Variants in ST7L observed in about 807,000 individuals in gnomAD.
ST7L encodes the protein suppression of tumorigenicity 7 like.
ST7L carries 57 observed loss-of-function variants against 72.5 expected under a neutral mutation model. That is an observed-to-expected ratio of 0.79 (90% CI 0.64 to 0.98). ST7L has a LOEUF of 0.98. ST7L is among the 50% of genes least tolerant of loss of function. ST7L has a pLI of 0.00. For synonymous variants in ST7L, 221 were observed against 240.9 expected (o/e 0.92, Z 0.77); for missense variants, 576 against 672.2 (o/e 0.86, Z 1.58).
At chr1:112,546,150 C>G (rs1657009569) in intron 13 of ST7L, among the ~76,000 whole-genome samples, 1 of 151,832 alleles carries the variant, frequency 6.6e-6, no homozygotes, top group Non-Finnish European at 1.5e-5. Flanking sequence ...GAAACCTCAC[C>G]TCTACCAAAA....
At chr1:112,559,193 T>C (rs1474338262) in intron 11 of ST7L, among the ~76,000 whole-genome samples, 1 of 152,222 alleles carries the variant, frequency 6.6e-6, no homozygotes, top group Non-Finnish European at 1.5e-5. Flanking sequence ...TTAACAATTA[T>C]TAAGTAAAGC....
downstream of ST7L, chr1:112,523,262 A>G (rs1172323527): frequency 3.3e-5 from 5 of 152,236 alleles, no homozygotes; most frequent in Admixed American, 6.5e-5. Flanking sequence ...ATTCTAGCTC[A>G]TAAAGATGCA....
In ST7L at chr1:112,595,035, T is replaced by A. The variant is rs528571070; in HGVS notation, c.622+2936A>T. 2.6e-5 allele frequency among the ~76,000 whole-genome samples: 4 copies of A among 152,154 alleles called. No individual in the cohort carries two copies. The South Asian group carries it at 8.3e-4, about 32-fold the overall frequency. ...TATAGGAATGCAAAACAGATATGTGTTCAAGAAGAAAAAAGACAACATTTA... is the reference window on the plus strand; with the variant it reads ...TATAGGAATGCAAAACAGATATGTGATCAAGAAGAAAAAAGACAACATTTA... On this transcript the variant is annotated intron_variant, in intron 5 of 14. Transcript: ENST00000358039.
intron 4 of ST7L, among the ~76,000 whole-genome samples, chr1:112,600,198 G>A (rs1338433342): frequency 2.6e-5 from 4 of 151,952 alleles, no homozygotes; most frequent in African/African-American, 9.7e-5. Context: ...CTTCCTCCAC[G>A]TCCAGCTAAT....
At chr1:112,535,975 A>G (rs1655142202) in intron 14 of ST7L, among the ~76,000 whole-genome samples, 1 of 152,196 alleles carries the variant, frequency 6.6e-6, no homozygotes, top group East Asian at 1.9e-4. Flanking sequence ...AGACTGCCCA[A>G]ATAAAGACTT....
intron 9 of ST7L, among the ~76,000 whole-genome samples, chr1:112,581,635 G>T (rs1451905732): frequency 6.6e-6 from 1 of 151,960 alleles, no homozygotes; most frequent in Non-Finnish European, 1.5e-5. Context: ...CAACTCCTGG[G>T]CTCAAGTGAT....
At chr1:112,617,156 T>G (rs1371552430) in intron 1 of ST7L, 2 of 230,302 alleles carry the variant, frequency 8.7e-6, no homozygotes, top group Non-Finnish European at 1.7e-5. Flanking sequence ...ATAGAACTTT[T>G]GCAAGTCTGT....
chr1:112,600,761 TG>T lies in ST7L; in HGVS notation c.506+32del, dbSNP rs774239512. 3.8e-6 allele frequency: 6 copies of T among 1,578,728 alleles called. No homozygotes were observed. The South Asian group carries it at 6.8e-5, about 18-fold the overall frequency. ...GTAAATACCTTTACTCTAAAACCAATGCCCTACTTATACTGAAAGCAAAATG... is the reference window on the plus strand; with the variant it reads ...GTAAATACCTTTACTCTAAAACCAATCCCTACTTATACTGAAAGCAAAATG... On this transcript the variant is annotated intron_variant, in intron 4 of 14. Transcript: ENST00000358039.
At chr1:112,617,088 G>A (rs1670001074) in intron 1 of ST7L, 193 bp from the exon 2 acceptor site, 3 of 362,068 alleles carry the variant, frequency 8.3e-6, no homozygotes, top group Admixed American at 4.7e-5. Context: ...AAATCAAAAT[G>A]AGGTAATTCA....
At chr1:112,531,357 A>G (rs1654352548) in intron 14 of ST7L, among the ~76,000 whole-genome samples, 1 of 152,244 alleles carries the variant, frequency 6.6e-6, no homozygotes, top group Admixed American at 6.5e-5. Context: ...TCATATAAAC[A>G]TTATAATAAA....
chr1:112,574,454 T>C (rs566539105), intron 11 of ST7L, among the ~76,000 whole-genome samples: 3 of 151,670 alleles, frequency 2.0e-5, no homozygotes, highest in Admixed American at 6.6e-5. Context: ...GGTCAGGAGA[T>C]CGAGACCATC....
At chr1:112,577,633 C>G (rs184390157) in intron 10 of ST7L, among the ~76,000 whole-genome samples, 5 of 151,128 alleles carry the variant, frequency 3.3e-5, no homozygotes, top group African/African-American at 9.7e-5. Flanking sequence ...GTAAAGAAGG[C>G]CTTCAGGAGA....
chr1:112,597,058 G>A (rs1283371330), intron 5 of ST7L, among the ~76,000 whole-genome samples: 2 of 152,198 alleles, frequency 1.3e-5, no homozygotes, highest in Non-Finnish European at 2.9e-5. Context: ...TTATACCCTA[G>A]TAGCAAAGAC....
rs1306902042 is a variant in ST7L at position 112,525,825 on chromosome 1, T to C, written c.*188A>G. The C allele has an allele frequency of 4.3e-6, 3 of 699,124 alleles. No individual in the cohort carries two copies. Among genetic ancestry groups the C allele is most frequent in the Non-Finnish European group, 6.5e-6 (3 of 460,122 alleles). The allele number at this position is 699,124 out of a possible 1,614,324, so 43.3% of individuals were successfully genotyped here. ...GACAATTTCATCTACAGTTGTCCTT[T>C]TTGACAGCTTCCAAGGGGGGTTTGC... On this transcript the variant is annotated 3_prime_UTR_variant, in exon 15 of 15. Transcript: ENST00000358039.
chr1:112,579,380 T>TAAAAAAAAAAAAA (rs34252016), intron 9 of ST7L, among the ~76,000 whole-genome samples: 8 of 96,788 alleles, frequency 8.3e-5, no homozygotes, highest in South Asian at 3.7e-4. Context: ...CGAGACTCTG[T>TAAAAAAAAAAAAA]AAAAAAAAAA....
chr1:112,576,948 T>C, intron 11 of ST7L, 38 bp downstream of exon 11: 1 of 1,459,666 alleles, frequency 6.9e-7, no homozygotes, highest in Non-Finnish European at 9.5e-7. Flanking sequence ...TTTGATAAAC[T>C]TAAATAAAGG....
chr1:112,575,768 C>T (rs375532835), intron 11 of ST7L, among the ~76,000 whole-genome samples: 31 of 152,332 alleles, frequency 2.0e-4, no homozygotes, highest in Middle Eastern at 3.4e-3. Flanking sequence ...CCATGGAATG[C>T]AAAACCATAG....
At chr1:112,545,272 G>C (rs560039522) in intron 13 of ST7L, among the ~76,000 whole-genome samples, 194 of 151,472 alleles carry the variant, frequency 1.3e-3, no homozygotes, top group Non-Finnish European at 2.3e-3. Context: ...TAGAATAAAG[G>C]CTTGCCAAGA....
chr1:112,611,143 C>A, intron 2 of ST7L, 140 bp from the exon 3 acceptor site: 1 of 726,174 alleles, frequency 1.4e-6, no homozygotes, highest in South Asian at 2.3e-5. Flanking sequence ...AACATACAAA[C>A]ACAAGATTCA....
Sources: gnomAD v4.1 joint callset for allele counts (sites outside exome capture counted in the v4.1 genomes callset) on GRCh38, gnomAD v4.1.1 for gene constraint, MANE v1.5 for transcripts, NCBI Gene and HGNC (gene_info 2026-07-23, HGNC 2026-07-21) for gene names.